Variants in COPS8 observed in about 807,000 individuals in gnomAD.
The protein encoded by COPS8 is COP9 signalosome subunit 8.
Under a neutral mutation model 31.5 loss-of-function variants are expected in COPS8, and 11 were observed. The ratio of observed to expected loss-of-function variants is 0.35; its 90% confidence interval spans 0.22 to 0.58. The LOEUF is 0.58. Among genes scored for constraint, COPS8 ranks in the 20% least tolerant of loss-of-function variants. The pLI is 0.83. For synonymous variants in COPS8, 81 were observed against 89.3 expected, an observed-to-expected ratio of 0.91 and a Z score of 0.52; for missense variants, 215 against 255.1, an observed-to-expected ratio of 0.84 and a Z score of 1.07.
chr2:237,093,925 CG>C, intron 4 of COPS8, 164 bp from the exon 5 acceptor site: 1 of 1,330,298 alleles, frequency 7.5e-7, no homozygotes. Flanking sequence ...TTGAACCCCC[CG>C]TACATACTGG....
At position 237,088,989 on chromosome 2, in the gene COPS8, A is replaced by G. The variant is rs186392913; in HGVS notation, c.198+336A>G. Among the ~76,000 whole-genome samples, 7 of 152,316 alleles carry G rather than the reference A, an allele frequency of 4.6e-5. No individual in the cohort carries two copies. The East Asian group carries it at 1.2e-3, about 25-fold the overall frequency. On this transcript the variant is annotated intron_variant, in intron 3 of 7. Transcript: ENST00000354371. ...TTTCAGCTGGTTTATGTTGCTTCCT[A>G]TAATGGTACTTATTTTGAAACTGCC...
chr2:237,088,781 G>A (rs1696660634), intron 3 of COPS8, 128 bp downstream of exon 3: 3 of 541,104 alleles, frequency 5.5e-6, no homozygotes, highest in Non-Finnish European at 6.3e-6. Flanking sequence ...TTAAGGATTC[G>A]AAATAAATCT....
chr2:237,085,906 T>G lies in COPS8; in HGVS notation c.-59T>G. On this transcript the variant is annotated 5_prime_UTR_variant, in exon 1 of 8. Coordinates refer to ENST00000354371, the MANE Select transcript of COPS8 (RefSeq NM_006710.5). ...TAAACGTCATCGCGGGCGCGACGCC[T>G]GAGGGACAGTCTGGGGTTTGGCTGT... is the stretch of plus-strand genomic sequence containing the variant. 6.5e-7 allele frequency: 1 copy of G among 1,540,134 alleles called. No homozygotes were observed. The highest frequency in any genetic ancestry group is 8.9e-7 in the Non-Finnish European group (1 of 1,124,700).
chr2:237,095,749 G>C, intron 5 of COPS8, 73 bp from the exon 6 acceptor site: 1 of 994,094 alleles, frequency 1.0e-6, no homozygotes, highest in Non-Finnish European at 1.6e-6. Flanking sequence ...TACAACTAAT[G>C]TCATGGACAA....
chr2:237,089,833 A>G (rs1205205780), intron 3 of COPS8, 29 bp from the exon 4 acceptor site: 1 of 1,607,374 alleles, frequency 6.2e-7, no homozygotes, highest in African/African-American at 1.3e-5. Flanking sequence ...CAGAGTGAAT[A>G]CCCTCTAAGG....
At position 237,086,029 on chromosome 2, in the gene COPS8, A is replaced by G. The variant is rs1696604844; in HGVS notation, c.65A>G (p.Asn22Ser). The change falls in exon 1 of 8, where the codon AAC (asparagine) becomes AGC (serine). Residue 22 changes from asparagine (N) to serine (S), a missense_variant. Physicochemically the swap from Asn to Ser is conservative, Grantham distance 46. Transcript: ENST00000354371. The part of the protein sequence containing the change: ...SFKKLLDQCE[N>S]QELEAPGGIA... ...AAAAAGTTGCTGGATCAGTGCGAGA[A>G]CCAGGAGCTCGAGGTAACCCTTTGC... 6.2e-7 allele frequency: 1 copy of G among 1,613,628 alleles called. No homozygotes were observed. The highest frequency in any genetic ancestry group is 2.2e-5 in the East Asian group (1 of 44,852).
rs773355178 is a variant in COPS8 at position 237,085,943 on chromosome 2, A to T, written c.-22A>T. 1 of 1,609,682 alleles carries T rather than the reference A, an allele frequency of 6.2e-7. No individual in the cohort carries two copies. On this transcript the variant is annotated 5_prime_UTR_variant, in exon 1 of 8. Coordinates refer to ENST00000354371, the MANE Select transcript of COPS8 (RefSeq NM_006710.5). ...TGGGGTTTGGCTGTCCGGACGGTGC[A>T]GCGGCGAGGCCGGCCGCGAAGATGC...
intron 1 of COPS8, 96 bp from the exon 2 acceptor site, chr2:237,087,031 T>C (rs746133853): frequency 2.6e-6 from 2 of 757,320 alleles, no homozygotes; most frequent in South Asian, 2.1e-5. Flanking sequence ...AAAATTAGCA[T>C]TTATAAAATA....
chr2:237,093,233 A>T (rs1696738959), intron 4 of COPS8, among the ~76,000 whole-genome samples: 1 of 152,176 alleles, frequency 6.6e-6, no homozygotes, highest in Non-Finnish European at 1.5e-5. Flanking sequence ...ATCTGGGGGA[A>T]TTGGTGTAGT....
chr2:237,087,088 T>G (rs1307185535), intron 1 of COPS8, 39 bp from the exon 2 acceptor site: 1 of 1,399,964 alleles, frequency 7.1e-7, no homozygotes, highest in Non-Finnish European at 9.8e-7. Flanking sequence ...TTTTAAAATT[T>G]TGTGTTGTTT....
rs551523339 is a variant in COPS8, at chr2:237,099,717, C to T, written c.*1975C>T. On this transcript the variant is annotated 3_prime_UTR_variant, in exon 8 of 8. Coordinates refer to ENST00000354371, the MANE Select transcript of COPS8 (RefSeq NM_006710.5). ...GCACCACTAGTACCCAGATGGTGTT[C>T]TTTCATTTTCATTTGCAATTAAAAG... 6 of 152,244 alleles carry T rather than the reference C, an allele frequency of 3.9e-5. No individual in the cohort carries two copies. In the Middle Eastern group the frequency reaches 0.017, roughly 432 times the overall value. The allele number at this position is 152,244 out of a possible 1,614,324, so 9.4% of individuals were successfully genotyped here.
chr2:237,093,965 A>C (rs1696750137), intron 4 of COPS8, 125 bp from the exon 5 acceptor site: 2 of 1,448,396 alleles, frequency 1.4e-6, no homozygotes, highest in South Asian at 1.6e-5. Context: ...ATAAGCACAG[A>C]AATCTTTGGG....
chr2:237,095,546 T>A (rs2106347013), intron 5 of COPS8, among the ~76,000 whole-genome samples: 1 of 152,354 alleles, frequency 6.6e-6, no homozygotes, highest in South Asian at 2.1e-4. Flanking sequence ...TAATACTGAT[T>A]AGGTTAATAC....
At chr2:237,096,462 G>A (rs549673588) in intron 6 of COPS8, among the ~76,000 whole-genome samples, 1 of 152,224 alleles carries the variant, frequency 6.6e-6, no homozygotes, top group African/African-American at 2.4e-5. Flanking sequence ...TGTCTTTTCT[G>A]CCAGGTCTTT....
rs112370183 is a variant in COPS8 at position 237,099,515 on chromosome 2, C to G, written c.*1773C>G. On this transcript the variant is annotated 3_prime_UTR_variant, in exon 8 of 8. Transcript: ENST00000354371. The stretch of plus-strand genomic sequence containing the variant: ...GATTAATTTCACAAAATCTTGATAT[C>G]TTTTTTATTATTAAAAGTATAGATT... 6.9e-6 allele frequency: 1 copy of G among 145,360 alleles called. No individual in the cohort carries two copies. Among genetic ancestry groups the G allele is most frequent in the Non-Finnish European group, 1.5e-5 (1 of 66,144 alleles). The allele number at this position is 145,360 out of a possible 1,614,324, so 9.0% of individuals were successfully genotyped here. A position where few individuals can be genotyped will look rare whatever the true frequency, so the allele number is the denominator to read the frequency against.
intron 3 of COPS8, 73 bp downstream of exon 3, chr2:237,088,726 T>C: frequency 1.1e-6 from 1 of 945,496 alleles, no homozygotes; most frequent in Non-Finnish European, 1.6e-6. Flanking sequence ...TTTTATAAGC[T>C]TATGTTTTCT....
intron 5 of COPS8, 61 bp downstream of exon 5, chr2:237,094,258 T>C (rs1485963304): frequency 6.8e-7 from 1 of 1,473,066 alleles, no homozygotes; most frequent in East Asian, 2.3e-5. Flanking sequence ...GAATTGTAGG[T>C]TCACAGTCTC....
chr2:237,095,650 T>TTTCAATAATATTTCAATAATA (rs1269379618), intron 5 of COPS8, among the ~76,000 whole-genome samples, 172 bp from the exon 6 acceptor site: 1 of 152,180 alleles, frequency 6.6e-6, no homozygotes, highest in Non-Finnish European at 1.5e-5. Context: ...TTCAGAAATA[T>TTTCAATAATATTTCAATAATA]TTCAATAATA....
At position 237,094,345 on chromosome 2, in the gene COPS8, G is replaced by T. The variant is rs75065880; in HGVS notation, c.439+148G>T. The T allele has an allele frequency of 2.8e-3, 2,003 of 706,558 alleles. 28 individuals are homozygous for T. The African/African-American group carries it at 0.03, about 11-fold the overall frequency. The allele number at this position is 706,558 out of a possible 1,614,324, so 43.8% of individuals were successfully genotyped here. ...TGAGAGGTGATATGAAACAGGTGTT[G>T]TGGAACACCCAGCAGGCACCCTGCA... On this transcript the variant is annotated intron_variant, in intron 5 of 7. Coordinates refer to ENST00000354371, the MANE Select transcript of COPS8 (RefSeq NM_006710.5).
Sources: allele counts gnomAD v4.1 joint callset (sites outside exome capture counted in the v4.1 genomes callset), GRCh38; gene constraint gnomAD v4.1.1; transcripts MANE v1.5; gene names NCBI Gene and HGNC (gene_info 2026-07-23, HGNC 2026-07-21).